DCLK2: variants seen among roughly 807,000 people sequenced by gnomAD.
DCLK2 encodes serine/threonine-protein kinase DCLK2.
DCLK2 carries 31 observed loss-of-function variants against 78.4 expected under a neutral mutation model. That is an observed-to-expected ratio of 0.40 (90% CI 0.30 to 0.53). The LOEUF (loss-of-function observed/expected upper bound fraction) is 0.53. DCLK2 is among the 20% of genes least tolerant of loss of function. The probability of loss-of-function intolerance (pLI) is 0.61; values close to 1 mark genes in which losing one functional copy is unlikely to be tolerated. For missense variants in DCLK2, 872 were observed against 973.7 expected (o/e 0.90, Z 1.39); for synonymous variants, 407 against 374.9 (o/e 1.09, Z -0.99).
At chr4:150,109,651 AG>A (rs1731525379) in intron 2 of DCLK2, among the ~76,000 whole-genome samples, 1 of 152,140 alleles carries the variant, frequency 6.6e-6, no homozygotes, top group Non-Finnish European at 1.5e-5. Context: ...TTCCTTTTGT[AG>A]ATGATAGAAA....
intron 10 of DCLK2, among the ~76,000 whole-genome samples, chr4:150,238,950 C>A (rs1045240375): frequency 6.6e-6 from 1 of 152,186 alleles, no homozygotes; most frequent in Non-Finnish European, 1.5e-5. Context: ...CCCATTGCTG[C>A]CCCCAATTTT....
rs1359803287 is a variant in DCLK2, at chr4:150,239,759, T to C, written c.1584T>C (p.Asp528=). The stretch of plus-strand genomic sequence containing the variant: ...TGTTTCAGGTGTGTGAATATCCTGA[T>C]GGAACCAAGTCTTTGAAACTGGGAG... ...PENLLVCEYP[D]GTKSLKLGDF... The change falls in exon 11 of 16, where the codon GAT becomes GAC. Residue 528 remains aspartate (D), a synonymous_variant. Transcript: ENST00000296550. 5 of 1,614,090 alleles carry C rather than the reference T, an allele frequency of 3.1e-6. No individual in the cohort carries two copies. In the East Asian group the frequency reaches 8.9e-5, roughly 29 times the overall value.
At chr4:150,253,091 C>T (rs567979413) in intron 15 of DCLK2, among the ~76,000 whole-genome samples, 1 of 141,138 alleles carries the variant, frequency 7.1e-6, no homozygotes, top group African/African-American at 2.8e-5. Context: ...CCTCCTCATC[C>T]TCCTCGTCCT....
intron 15 of DCLK2, among the ~76,000 whole-genome samples, chr4:150,252,475 G>A (rs531954833): frequency 6.6e-6 from 1 of 152,292 alleles, no homozygotes; most frequent in Admixed American, 6.5e-5. Context: ...TTGACTCAGG[G>A]GCCCAGATAG....
Position 150,198,119 on chromosome 4 carries a change from G to T in DCLK2, c.961+16G>T. On this transcript the variant is annotated intron_variant, in intron 4 of 15. Coordinates refer to ENST00000296550, the MANE Select transcript of DCLK2 (RefSeq NM_001040260.4). ...CCAGCTTCAGGTAGTTAATGGAAAAGGAATAGATGGTCATAGCAGGAACAG... is the reference window on the plus strand; with the variant it reads ...CCAGCTTCAGGTAGTTAATGGAAAATGAATAGATGGTCATAGCAGGAACAG... 6.3e-7 allele frequency: 1 copy of T among 1,597,666 alleles called. No individual in the cohort carries two copies. The highest frequency in any genetic ancestry group is 8.6e-7 in the Non-Finnish European group (1 of 1,166,422).
rs766161886 is a variant in DCLK2 at position 150,217,176 on chromosome 4, C to A, written c.1057-3527C>A. ...CTTCAGTAAGAGAGTAATTCATTTA[C>A]AGGAGACAAGGGAATATACACATTT... On this transcript the variant is annotated intron_variant, in intron 5 of 15. Transcript: ENST00000296550. 2.6e-5 allele frequency among the ~76,000 whole-genome samples: 4 copies of A among 152,148 alleles called. No homozygotes were observed. The South Asian group carries it at 8.3e-4, about 32-fold the overall frequency.
chr4:150,239,273 T>C (rs888751764), intron 10 of DCLK2, among the ~76,000 whole-genome samples: 5 of 152,152 alleles, frequency 3.3e-5, no homozygotes, highest in African/African-American at 1.2e-4. Context: ...ATTAGCACTT[T>C]AAAGCAACAA....
intron 2 of DCLK2, among the ~76,000 whole-genome samples, chr4:150,140,566 A>T (rs1734043981): frequency 6.6e-6 from 1 of 152,334 alleles, no homozygotes; most frequent in Non-Finnish European, 1.5e-5. Flanking sequence ...TGCGGTATCC[A>T]TGAAGTGTGC....
intron 2 of DCLK2, among the ~76,000 whole-genome samples, chr4:150,156,123 G>T (rs1385022554): frequency 1.3e-5 from 2 of 152,160 alleles, no homozygotes. Flanking sequence ...CTTGACCTAA[G>T]TGGAGGTTGC....
At chr4:150,222,004 A>T (rs571968751) in intron 7 of DCLK2, among the ~76,000 whole-genome samples, 51 of 150,772 alleles carry the variant, frequency 3.4e-4, no homozygotes, top group South Asian at 4.2e-4. Flanking sequence ...TTATTTATTT[A>T]AAAAAAAGGC....
intron 12 of DCLK2, among the ~76,000 whole-genome samples, chr4:150,245,618 T>G (rs112437552): frequency 5.9e-5 from 9 of 152,246 alleles, no homozygotes; most frequent in African/African-American, 2.2e-4. Context: ...ACATGTGGTG[T>G]TTGGTTTTTT....
At chr4:150,220,440 C>A (rs1741096979) in intron 5 of DCLK2, among the ~76,000 whole-genome samples, 1 of 151,956 alleles carries the variant, frequency 6.6e-6, no homozygotes, top group Admixed American at 6.6e-5. Flanking sequence ...TCTTTTGATT[C>A]CTTTTATGGA....
chr4:150,160,640 A>T (rs1277164579), intron 2 of DCLK2, among the ~76,000 whole-genome samples: 1 of 152,230 alleles, frequency 6.6e-6, no homozygotes, highest in Non-Finnish European at 1.5e-5. Context: ...TAGAGCCAAG[A>T]TTTGTAATCA....
chr4:150,131,776 T>G (rs1286500416), intron 2 of DCLK2, among the ~76,000 whole-genome samples: 1 of 152,138 alleles, frequency 6.6e-6, no homozygotes, highest in Non-Finnish European at 1.5e-5. Context: ...CAGGTCCCTG[T>G]GTTCCTTCCC....
intron 2 of DCLK2, among the ~76,000 whole-genome samples, chr4:150,174,279 A>C (rs1044085937): frequency 1.3e-5 from 2 of 152,158 alleles, no homozygotes; most frequent in African/African-American, 4.8e-5. Context: ...GAAGTGTTGG[A>C]ATCTGTTCTC....
At chr4:150,228,328 T>C (rs1228934441) in intron 8 of DCLK2, among the ~76,000 whole-genome samples, 1 of 152,142 alleles carries the variant, frequency 6.6e-6, no homozygotes, top group African/African-American at 2.4e-5. Flanking sequence ...CACGTGGTGA[T>C]TTGTACATTT....
chr4:150,141,136 A>G (rs1414999525), intron 2 of DCLK2, among the ~76,000 whole-genome samples: 3 of 152,288 alleles, frequency 2.0e-5, no homozygotes, highest in East Asian at 3.9e-4. Flanking sequence ...TTTTAATTTC[A>G]TAGTGTTTCT....
intron 2 of DCLK2, among the ~76,000 whole-genome samples, chr4:150,137,523 T>C (rs1346488147): frequency 1.3e-5 from 2 of 152,102 alleles, no homozygotes; most frequent in African/African-American, 4.8e-5. Context: ...GTGCAATCTC[T>C]CATAGAAGCC....
In DCLK2 at chr4:150,180,210, T is replaced by C. The variant is rs929347912; in HGVS notation, c.757-12928T>C. Reference sequence around the variant, plus strand: ...AAATCTCAGCTCCTCCCTTACTGGCTGTATGACTTTGCACAAGTTACTTAC... The same window carrying C: ...AAATCTCAGCTCCTCCCTTACTGGCCGTATGACTTTGCACAAGTTACTTAC... On this transcript the variant is annotated intron_variant, in intron 2 of 15. Transcript: ENST00000296550. Among the ~76,000 whole-genome samples the C allele has an allele frequency of 4.6e-5, 7 of 152,210 alleles. No individual in the cohort carries two copies. The East Asian group carries it at 9.6e-4, about 21-fold the overall frequency.
Sources: gnomAD v4.1 joint callset for allele counts (sites outside exome capture counted in the v4.1 genomes callset) on GRCh38, gnomAD v4.1.1 for gene constraint, MANE v1.5 for transcripts, NCBI Gene and HGNC (gene_info 2026-07-23, HGNC 2026-07-21) for gene names.